Variants in DOCK5 observed in about 807,000 individuals in gnomAD.
DOCK5 encodes the protein dedicator of cytokinesis 5, also known as dedicator of cytokinesis protein 5.
In DOCK5, 142 loss-of-function variants were observed where a neutral mutation model predicts 251.8. The observed-to-expected ratio is 0.56, with a 90% CI of 0.49 to 0.65. The LOEUF (loss-of-function observed/expected upper bound fraction) is 0.65. Ranked by LOEUF, DOCK5 falls within the 30% of genes least tolerant of loss-of-function variation. DOCK5 has a pLI of 0.00. For synonymous variants in DOCK5, 842 were observed against 835.5 expected (o/e 1.01, Z -0.13); for missense variants, 2,111 against 2,312.3 (o/e 0.91, Z 1.79).
intron 14 of DOCK5, among the ~76,000 whole-genome samples, chr8:25,318,879 A>C (rs965393838): frequency 1.3e-5 from 2 of 151,992 alleles, no homozygotes; most frequent in African/African-American, 4.8e-5. Context: ...CTTGCCATGG[A>C]TGTTATAATC....
chr8:25,360,930 A>G (rs1800667198), intron 28 of DOCK5, among the ~76,000 whole-genome samples: 1 of 152,088 alleles, frequency 6.6e-6, no homozygotes, highest in Non-Finnish European at 1.5e-5. Flanking sequence ...CAGCTGTATT[A>G]TGTAATTAAA....
At chr8:25,317,173 T>G (rs751217485) in intron 14 of DOCK5, 42 bp downstream of exon 14, 1 of 1,602,504 alleles carries the variant, frequency 6.2e-7, no homozygotes. Flanking sequence ...ATCGCATCCG[T>G]CTTTACAATC....
At chr8:25,360,937 TAA>T (rs1374159001) in intron 28 of DOCK5, among the ~76,000 whole-genome samples, 1 of 152,034 alleles carries the variant, frequency 6.6e-6, no homozygotes, top group African/African-American at 2.4e-5. Flanking sequence ...ATTATGTAAT[TAA>T]AAGAGGATCA....
intron 2 of DOCK5, among the ~76,000 whole-genome samples, chr8:25,263,048 G>A (rs1253407361): frequency 6.6e-6 from 1 of 151,842 alleles, no homozygotes; most frequent in Non-Finnish European, 1.5e-5. Flanking sequence ...TGAATAATAT[G>A]TTTTTCTAGA....
intron 1 of DOCK5, among the ~76,000 whole-genome samples, chr8:25,221,904 C>T (rs555665832): frequency 2.6e-5 from 4 of 152,260 alleles, no homozygotes; most frequent in African/African-American, 7.2e-5. Context: ...GGCATAGTAA[C>T]GCTGATCATA....
In DOCK5 at chr8:25,386,669, A is replaced by G. The variant is rs978100538; in HGVS notation, c.4132-2422A>G. On this transcript the variant is annotated intron_variant, in intron 40 of 51. Transcript: ENST00000276440. ...AGGGTCTAGTGTTAGCTCAGCTTCAATCCAGGTCAACATAAAAGAACAACC... is the reference window on the plus strand; with the variant it reads ...AGGGTCTAGTGTTAGCTCAGCTTCAGTCCAGGTCAACATAAAAGAACAACC... Among the ~76,000 whole-genome samples the G allele has an allele frequency of 2.0e-5, 3 of 152,180 alleles. No homozygotes were observed. In the East Asian group the frequency reaches 5.8e-4, roughly 29 times the overall value.
Position 25,391,893 on chromosome 8 carries a change from C to T in DOCK5, c.4356-3C>T, listed in dbSNP as rs1399420347. ...AATACAGCATTGCTTTGTCCTTCTC[C>T]AGCTACTACAGAGCCAATGAAGTGC... On this transcript the variant is annotated splice_region_variant and splice_polypyrimidine_tract_variant and intron_variant, in intron 42 of 51. Transcript: ENST00000276440. 1.9e-6 allele frequency: 3 copies of T among 1,613,542 alleles called. No individual in the cohort carries two copies. The highest frequency in any genetic ancestry group is 2.5e-6 in the Non-Finnish European group (3 of 1,179,702).
chr8:25,273,134 C>A (rs1380368394), intron 3 of DOCK5, among the ~76,000 whole-genome samples: 1 of 152,116 alleles, frequency 6.6e-6, no homozygotes, highest in Non-Finnish European at 1.5e-5. Flanking sequence ...CCTTAGGCCT[C>A]CTAGGGACAG....
At position 25,258,232 on chromosome 8, in the gene DOCK5, C is replaced by T. The variant is rs372592234; in HGVS notation, c.128-10613C>T. Among the ~76,000 whole-genome samples the T allele has an allele frequency of 7.2e-4, 109 of 151,892 alleles. 1 individual carries two copies. Among genetic ancestry groups the T allele is most frequent in the African/African-American group, 2.6e-3 (108 of 41,406 alleles). On this transcript the variant is annotated intron_variant, in intron 2 of 51. Coordinates refer to ENST00000276440, the MANE Select transcript of DOCK5 (RefSeq NM_024940.8). ...CTTCCTCATCCCTCACTGCCTGGAC[C>T]AGGTCTCTCTGCTTGTCTCAGAAGG... is the stretch of plus-strand genomic sequence containing the variant.
intron 28 of DOCK5, among the ~76,000 whole-genome samples, chr8:25,362,462 C>CTTTTTTTTTTTTT (rs869096662): frequency 1.1e-4 from 6 of 54,634 alleles, no homozygotes; most frequent in Admixed American, 4.3e-4. Flanking sequence ...CTTTTCTTTT[C>CTTTTTTTTTTTTT]TTTTTTTTTT....
chr8:25,210,011 TATA>T (rs1802084631), intron 1 of DOCK5, among the ~76,000 whole-genome samples: 1 of 27,484 alleles, frequency 3.6e-5, no homozygotes, highest in African/African-American at 7.6e-5. Context: ...CGGCTAATTA[TATA>T]TATATATATA....
chr8:25,368,811 C>A (rs775113396), intron 33 of DOCK5, 86 bp downstream of exon 33: 23 of 1,336,406 alleles, frequency 1.7e-5, no homozygotes, highest in Non-Finnish European at 2.3e-5. Context: ...GAAGCAGTAA[C>A]CTTAATAATG....
intron 50 of DOCK5, 179 bp from the exon 51 acceptor site, chr8:25,409,920 G>A (rs758574858): frequency 3.4e-5 from 19 of 555,554 alleles, no homozygotes; most frequent in South Asian, 5.2e-5. Context: ...TCTGGCGAGG[G>A]CGTCACCTGT....
intron 1 of DOCK5, among the ~76,000 whole-genome samples, chr8:25,237,377 T>A: frequency 6.6e-6 from 1 of 152,024 alleles, no homozygotes; most frequent in South Asian, 2.1e-4. Flanking sequence ...CTCAAAAAAA[T>A]AAAAAATAAA....
In DOCK5 at chr8:25,389,259, C is replaced by T. The variant is rs116744795; in HGVS notation, c.4273+27C>T. On this transcript the variant is annotated intron_variant, in intron 41 of 51. Coordinates refer to ENST00000276440, the MANE Select transcript of DOCK5 (RefSeq NM_024940.8). ...TATCCTTTCCGGGGGGAGTATGGCCCCGAGGCTCTTATGGCTGTGCACAGC... is the reference window on the plus strand; with the variant it reads ...TATCCTTTCCGGGGGGAGTATGGCCTCGAGGCTCTTATGGCTGTGCACAGC... 2,684 of 1,608,606 alleles carry T rather than the reference C, an allele frequency of 1.7e-3. 42 individuals carry two copies. The African/African-American group carries it at 0.032, about 19-fold the overall frequency.
At chr8:25,247,235 A>T (rs778760502) in intron 2 of DOCK5, among the ~76,000 whole-genome samples, 4 of 151,968 alleles carry the variant, frequency 2.6e-5, no homozygotes, top group Non-Finnish European at 5.9e-5. Context: ...TTTCATTTTT[A>T]TGTGACCTCA....
In DOCK5 at chr8:25,211,245, C is replaced by G. The variant is rs1396668578; in HGVS notation, c.43+26294C>G. Reference sequence around the variant, plus strand: ...ATTGCTGTGTCTCATAAGAGAAGCACAGAAAGTGCCAAATAGAGTTTCAGG... The same window carrying G: ...ATTGCTGTGTCTCATAAGAGAAGCAGAGAAAGTGCCAAATAGAGTTTCAGG... On this transcript the variant is annotated intron_variant, in intron 1 of 51. Coordinates refer to ENST00000276440, the MANE Select transcript of DOCK5 (RefSeq NM_024940.8). Among the ~76,000 whole-genome samples the G allele has an allele frequency of 2.8e-5, 2 of 70,458 alleles. 1 individual carries two copies. The highest frequency in any genetic ancestry group is 9.3e-5 in the Non-Finnish European group (2 of 21,550). 46.2% of individuals were successfully genotyped at this position (70,458 alleles called of 152,430 possible).
chr8:25,297,411 C>A (rs1255140234), intron 7 of DOCK5, among the ~76,000 whole-genome samples: 1 of 152,154 alleles, frequency 6.6e-6, no homozygotes, highest in East Asian at 1.9e-4. Flanking sequence ...GCGCCCACCA[C>A]CACGCCTGGC....
rs749345836 is a variant in DOCK5 at position 25,296,540 on chromosome 8, A to G, written c.498A>G (p.Arg166=). ...TGCTGGGGTTAGATCTGGTGGTGCG[A>G]GATGACAATGGGAACATCCTAGACC... is the stretch of plus-strand genomic sequence containing the variant. ...NRMLGLDLVV[R]DDNGNILDPD... is the part of the protein sequence containing the mutation. The change falls in exon 7 of 52, where the codon CGA becomes CGG. Residue 166 remains arginine, a synonymous_variant. Transcript: ENST00000276440. 1.9e-6 allele frequency: 3 copies of G among 1,611,232 alleles called. No individual in the cohort carries two copies. The highest frequency in any genetic ancestry group is 2.5e-6 in the Non-Finnish European group (3 of 1,178,742).
Sources: gnomAD v4.1 joint callset for allele counts (sites outside exome capture counted in the v4.1 genomes callset) on GRCh38, gnomAD v4.1.1 for gene constraint, MANE v1.5 for transcripts, NCBI Gene and HGNC (gene_info 2026-07-23, HGNC 2026-07-21) for gene names.